Variants in PRKG1 observed in about 807,000 individuals in gnomAD.
PRKG1 encodes protein kinase cGMP-dependent 1.
A neutral mutation model predicts 88.1 loss-of-function variants in PRKG1; 35 were observed. The observed-to-expected ratio is 0.40, with a 90% CI of 0.30 to 0.53. PRKG1 has a LOEUF of 0.53. Among genes scored for constraint, PRKG1 ranks in the 20% least tolerant of loss-of-function variants. The probability of loss-of-function intolerance (pLI) is 0.59; values close to 1 mark genes in which losing one functional copy is unlikely to be tolerated. For missense variants in PRKG1, 540 were observed against 839.8 expected, an observed-to-expected ratio of 0.64 and a Z score of 4.41; for synonymous variants, 303 against 292.5, an observed-to-expected ratio of 1.04 and a Z score of -0.37.
intron 5 of PRKG1, among the ~76,000 whole-genome samples, chr10:51,946,628 G>A (rs6480607): frequency 0.78 from 118,378 of 151,878 alleles, 46,735 homozygotes; most frequent in African/African-American, 0.9. Context: ...TGATGTACAG[G>A]TGGGTTTTTG....
chr10:51,012,119 G>C (rs1245908645), intron 1 of PRKG1, among the ~76,000 whole-genome samples: 1 of 152,178 alleles, frequency 6.6e-6, no homozygotes, highest in Admixed American at 6.5e-5. Flanking sequence ...TTCAAGATGA[G>C]ATTGGGGTAG....
chr10:51,744,414 C>G (rs79051624), intron 3 of PRKG1, among the ~76,000 whole-genome samples: 2 of 152,064 alleles, frequency 1.3e-5, no homozygotes, highest in African/African-American at 4.8e-5. Context: ...GCTGAGGAAA[C>G]CTTGTTTCAA....
intron 9 of PRKG1, among the ~76,000 whole-genome samples, chr10:52,170,764 G>A (rs1838646768): frequency 6.6e-6 from 1 of 152,164 alleles, no homozygotes; most frequent in Admixed American, 6.5e-5. Flanking sequence ...TTTTGGTGAT[G>A]AGCCTTCTTG....
intron 4 of PRKG1, among the ~76,000 whole-genome samples, chr10:51,871,888 TGCTTGAAAGA>T (rs1564686336): frequency 6.6e-6 from 1 of 152,136 alleles, no homozygotes; most frequent in East Asian, 1.9e-4. Context: ...AGCATCCCTG[TGCTTGAAAGA>T]GTAAAACATT....
chr10:51,305,758 T>G (rs374055925), intron 2 of PRKG1, among the ~76,000 whole-genome samples: 6 of 152,188 alleles, frequency 3.9e-5, no homozygotes, highest in East Asian at 3.9e-4. Context: ...TGTAACATTT[T>G]GCTTTGTTTT....
At chr10:51,085,716 A>G (rs1420791775) in intron 1 of PRKG1, among the ~76,000 whole-genome samples, 1 of 151,824 alleles carries the variant, frequency 6.6e-6, no homozygotes, top group Non-Finnish European at 1.5e-5. Context: ...AAATCTTTTT[A>G]CCCCGTAGTG....
chr10:51,860,346 C>A (rs941987275), intron 4 of PRKG1, among the ~76,000 whole-genome samples: 1 of 152,166 alleles, frequency 6.6e-6, no homozygotes, highest in Non-Finnish European at 1.5e-5. Context: ...GAAAGAACAG[C>A]TATTTATCTG....
At chr10:52,185,447 T>A (rs1408071923) in intron 9 of PRKG1, among the ~76,000 whole-genome samples, 1 of 152,182 alleles carries the variant, frequency 6.6e-6, no homozygotes, top group African/African-American at 2.4e-5. Flanking sequence ...CTGTGGCAGC[T>A]GTCATGGGTT....
chr10:51,414,978 A>G (rs1838197857), intron 2 of PRKG1, among the ~76,000 whole-genome samples: 1 of 152,218 alleles, frequency 6.6e-6, no homozygotes, highest in Non-Finnish European at 1.5e-5. Context: ...TTCTCCTTAA[A>G]TGGTAGATAT....
intron 2 of PRKG1, among the ~76,000 whole-genome samples, chr10:51,461,046 G>A (rs898146057): frequency 1.4e-4 from 21 of 152,162 alleles, no homozygotes; most frequent in Admixed American, 7.9e-4. Context: ...GCTTATTTAT[G>A]TTTTTGATTC....
At chr10:51,937,303 A>G (rs1191438951) in intron 5 of PRKG1, among the ~76,000 whole-genome samples, 2 of 152,050 alleles carry the variant, frequency 1.3e-5, no homozygotes, top group Non-Finnish European at 2.9e-5. Flanking sequence ...GAGGAAAGTC[A>G]TTAAATAAAC....
intron 6 of PRKG1, among the ~76,000 whole-genome samples, chr10:52,057,103 G>T (rs1846128781): frequency 6.6e-6 from 1 of 152,126 alleles, no homozygotes; most frequent in South Asian, 2.1e-4. Context: ...TCTGTTTCTT[G>T]CTACCACCAA....
intron 2 of PRKG1, among the ~76,000 whole-genome samples, chr10:51,210,462 G>A (rs1164082054): frequency 6.6e-6 from 1 of 152,114 alleles, no homozygotes; most frequent in East Asian, 1.9e-4. Context: ...AAATAACTAA[G>A]ATCAGAGCAG....
chr10:51,060,556 C>T (rs535928550), intron 1 of PRKG1, among the ~76,000 whole-genome samples: 20 of 152,180 alleles, frequency 1.3e-4, no homozygotes, highest in African/African-American at 4.3e-4. Flanking sequence ...TTTATTAATA[C>T]TCAGACAGTG....
intron 3 of PRKG1, among the ~76,000 whole-genome samples, chr10:51,489,686 T>A (rs1172422615): frequency 6.6e-6 from 1 of 152,112 alleles, no homozygotes; most frequent in African/African-American, 2.4e-5. Flanking sequence ...AAAAGAGCTG[T>A]CTGAAAGCAA....
At chr10:51,951,081 G>A (rs146667753) in intron 5 of PRKG1, among the ~76,000 whole-genome samples, 232 of 152,302 alleles carry the variant, frequency 1.5e-3, no homozygotes, top group African/African-American at 3.8e-3. Flanking sequence ...AAAATCAGTC[G>A]GGGAAGGGTG....
upstream of PRKG1, among the ~76,000 whole-genome samples, chr10:51,072,567 G>A (rs117314108): frequency 2.2e-3 from 338 of 152,060 alleles, 2 homozygotes; most frequent in Admixed American, 3.4e-3. Context: ...ATATTTGTAA[G>A]TTGCTCATTT....
chr10:51,846,928 T>C (rs1453300604), intron 4 of PRKG1, among the ~76,000 whole-genome samples: 30 of 152,152 alleles, frequency 2.0e-4, no homozygotes, highest in Non-Finnish European at 1.5e-4. Context: ...TAAAAATATA[T>C]ACATCAAGTG....
At chr10:51,052,653 G>C (rs961808837) in intron 1 of PRKG1, among the ~76,000 whole-genome samples, 1 of 152,200 alleles carries the variant, frequency 6.6e-6, no homozygotes, top group Non-Finnish European at 1.5e-5. Context: ...CCCAATGGTA[G>C]AGAATACATG....
Sources: gnomAD v4.1 joint callset for allele counts (sites outside exome capture counted in the v4.1 genomes callset) on GRCh38, gnomAD v4.1.1 for gene constraint, MANE v1.5 for transcripts, NCBI Gene and HGNC (gene_info 2026-07-23, HGNC 2026-07-21) for gene names.